Variants in ARID2 observed in about 807,000 individuals in gnomAD.
ARID2 encodes the protein AT-rich interaction domain 2, also known as AT-rich interactive domain-containing protein 2.
Under a neutral mutation model 184.6 loss-of-function variants are expected in ARID2, and 32 were observed. That is an observed-to-expected ratio of 0.17 (90% CI 0.13 to 0.23). The LOEUF (loss-of-function observed/expected upper bound fraction) is 0.23, where lower values mean the gene tolerates loss of function less well. ARID2 is among the 10% of genes least tolerant of loss of function. The pLI is 1.00. For synonymous variants in ARID2, 836 were observed against 772.6 expected (o/e 1.08, Z -1.36); for missense variants, 1,696 against 2,197.6 (o/e 0.77, Z 4.56).
intron 16 of ARID2, among the ~76,000 whole-genome samples, chr12:45,865,732 T>C (rs778088091): frequency 1.3e-5 from 2 of 152,138 alleles, no homozygotes; most frequent in Non-Finnish European, 2.9e-5. Flanking sequence ...AGTCAGTGAC[T>C]TTTTTCTTCA....
chr12:45,871,799 T>C (rs1308854760), intron 16 of ARID2, among the ~76,000 whole-genome samples: 1 of 152,222 alleles, frequency 6.6e-6, no homozygotes, highest in Non-Finnish European at 1.5e-5. Context: ...ATAGTTACAA[T>C]GTTATTCAGA....
At chr12:45,815,943 G>A (rs1250211052) in intron 4 of ARID2, among the ~76,000 whole-genome samples, 7 of 152,158 alleles carry the variant, frequency 4.6e-5, no homozygotes, top group Non-Finnish European at 7.4e-5. Flanking sequence ...TTATAGGCAT[G>A]AGCCACCATG....
chr12:45,770,532 C>A (rs1479119002), intron 3 of ARID2, among the ~76,000 whole-genome samples: 1 of 152,184 alleles, frequency 6.6e-6, no homozygotes, highest in African/African-American at 2.4e-5. Context: ...TCTTGTCCCC[C>A]ATCCGAGAAG....
chr12:45,823,183 G>T (rs1942931204), intron 6 of ARID2, among the ~76,000 whole-genome samples: 1 of 152,034 alleles, frequency 6.6e-6, no homozygotes, highest in African/African-American at 2.4e-5. Context: ...AAACTGTACA[G>T]ATGTTAATAC....
Position 45,839,457 on chromosome 12 carries a change from G to A in ARID2, c.1459G>A (p.Glu487Lys), listed in dbSNP as rs2138137441. ...MLSEIRPQAI[E>K]QVQTQTHVAS... ...ATCTGAAATTAGGCCACAAGCTATA[G>A]AGCAAGTCCAAACCCAGACTCATGT... Residue 487 changes from glutamate (E) to lysine (K), a missense_variant, in exon 11 of 21, where the codon GAG becomes AAG. Transcript: ENST00000334344. 6.2e-7 allele frequency: 1 copy of A among 1,613,946 alleles called. No homozygotes were observed. The highest frequency in any genetic ancestry group is 8.5e-7 in the Non-Finnish European group (1 of 1,179,948).
chr12:45,758,318 G>A (rs1941608756), intron 3 of ARID2, among the ~76,000 whole-genome samples: 1 of 151,998 alleles, frequency 6.6e-6, no homozygotes, highest in African/African-American at 2.4e-5. Flanking sequence ...GCTGTATGAG[G>A]CCCAACACAA....
At chr12:45,811,191 A>G (rs1450406488) in intron 3 of ARID2, among the ~76,000 whole-genome samples, 1 of 151,228 alleles carries the variant, frequency 6.6e-6, no homozygotes, top group African/African-American at 2.4e-5. Context: ...CCTGGGCGAC[A>G]GAGCGAGACT....
chr12:45,745,221 C>T (rs1941332557), intron 3 of ARID2, among the ~76,000 whole-genome samples: 1 of 152,126 alleles, frequency 6.6e-6, no homozygotes, highest in Admixed American at 6.6e-5. Flanking sequence ...AAGACAGGAG[C>T]AAGAAGTGTG....
At chr12:45,895,284 A>G (rs1351197526) in intron 20 of ARID2, among the ~76,000 whole-genome samples, 3 of 152,084 alleles carry the variant, frequency 2.0e-5, no homozygotes, top group Admixed American at 6.5e-5. Flanking sequence ...TTAAGATTCA[A>G]CTCAGTGGTT....
intron 20 of ARID2, among the ~76,000 whole-genome samples, chr12:45,904,633 G>A (rs1176201438): frequency 1.4e-5 from 2 of 143,638 alleles, no homozygotes; most frequent in Admixed American, 7.0e-5. Context: ...GGAGGTTGCA[G>A]TGAGCTAAGA....
chr12:45,811,088 A>G (rs746575021), intron 3 of ARID2, among the ~76,000 whole-genome samples: 27 of 152,072 alleles, frequency 1.8e-4, no homozygotes, highest in Non-Finnish European at 3.4e-4. Context: ...AGTCGCCTGT[A>G]GTCCCAGCTA....
intron 3 of ARID2, among the ~76,000 whole-genome samples, chr12:45,761,667 GCTTA>G (rs956958386): frequency 6.6e-5 from 10 of 151,302 alleles, no homozygotes; most frequent in African/African-American, 2.4e-4. Flanking sequence ...TCTTTGAAAG[GCTTA>G]CATTTTACTC....
intron 3 of ARID2, among the ~76,000 whole-genome samples, chr12:45,758,507 A>G (rs971808146): frequency 2.6e-5 from 4 of 152,152 alleles, no homozygotes; most frequent in African/African-American, 9.7e-5. Flanking sequence ...CTGCTCTACA[A>G]GATAATAGTT....
intron 3 of ARID2, among the ~76,000 whole-genome samples, chr12:45,745,750 A>C (rs1324988024): frequency 6.6e-6 from 1 of 151,994 alleles, no homozygotes; most frequent in Non-Finnish European, 1.5e-5. Flanking sequence ...GGGTTTCGTC[A>C]TTTGGCCAGG....
chr12:45,856,160 T>C (rs1943645742), intron 15 of ARID2, among the ~76,000 whole-genome samples: 1 of 139,530 alleles, frequency 7.2e-6, no homozygotes, highest in African/African-American at 2.6e-5. Flanking sequence ...CTGCAACCTC[T>C]ACCTCCCGGG....
intron 3 of ARID2, among the ~76,000 whole-genome samples, chr12:45,743,344 G>A (rs1334642184): frequency 6.6e-6 from 1 of 152,134 alleles, no homozygotes; most frequent in Non-Finnish European, 1.5e-5. Context: ...CCTCTAGCCT[G>A]GGTGACTGAG....
At chr12:45,737,582 A>T (rs1483085881) in intron 3 of ARID2, among the ~76,000 whole-genome samples, 2 of 151,430 alleles carry the variant, frequency 1.3e-5, no homozygotes, top group African/African-American at 2.4e-5. Flanking sequence ...TCATCATATC[A>T]TGAGGCATAT....
At chr12:45,758,187 A>C (rs1941605281) in intron 3 of ARID2, among the ~76,000 whole-genome samples, 1 of 152,188 alleles carries the variant, frequency 6.6e-6, no homozygotes, top group Non-Finnish European at 1.5e-5. Context: ...TTTTTTATGA[A>C]ATTATTAATA....
At chr12:45,783,044 A>G (rs141408463) in intron 3 of ARID2, among the ~76,000 whole-genome samples, 1 of 151,550 alleles carries the variant, frequency 6.6e-6, no homozygotes, top group Non-Finnish European at 1.5e-5. Context: ...TGAGGCACGA[A>G]AATTGCTTGA....
Sources: allele counts gnomAD v4.1 joint callset (sites outside exome capture counted in the v4.1 genomes callset), GRCh38; gene constraint gnomAD v4.1.1; transcripts MANE v1.5; gene names NCBI Gene and HGNC (gene_info 2026-07-23, HGNC 2026-07-21).